The following IQCM variants were observed in gnomAD, a reference collection of about 807,000 sequenced individuals.
The protein encoded by IQCM is IQ motif containing M, also known as IQ domain-containing protein M.
IQCM carries 45 observed loss-of-function variants against 57.6 expected under a neutral mutation model. That is an observed-to-expected ratio of 0.78 (90% CI 0.62 to 1.00). IQCM has a LOEUF of 1.00. Among genes scored for constraint, IQCM ranks in the 50% least tolerant of loss-of-function variants. The pLI is 0.00. For synonymous variants in IQCM, 148 were observed against 158.9 expected (o/e 0.93, Z 0.51); for missense variants, 468 against 511.6 (o/e 0.91, Z 0.82).
In IQCM at chr4:149,587,952, G is replaced by T. The variant is rs1752788596; in HGVS notation, c.727C>A (p.Pro243Thr). 1 of 1,225,100 alleles carries T rather than the reference G, an allele frequency of 8.2e-7. No homozygotes were observed. Among genetic ancestry groups the T allele is most frequent in the Non-Finnish European group, 1.0e-6 (1 of 982,278 alleles). 75.9% of individuals were successfully genotyped at this position (1,225,100 alleles called of 1,614,324 possible). A position where few individuals can be genotyped will look rare whatever the true frequency, so the allele number is the denominator to read the frequency against. Residue 243 changes from proline (P) to threonine (T), a missense_variant, in exon 9 of 14, where the codon CCA becomes ACA. Transcript: ENST00000636793. The part of the protein sequence containing the change: ...LIKKERQPIK[P>T]EPKSQPRIKG... Reference sequence around the variant, plus strand: ...TACCTGGGTTGTGATTTTGGTTCTGGCTTGATAGGTTGTCGCTCCTTTTTA... The same window carrying T: ...TACCTGGGTTGTGATTTTGGTTCTGTCTTGATAGGTTGTCGCTCCTTTTTA...
intron 6 of IQCM, among the ~76,000 whole-genome samples, chr4:149,682,615 TGAG>T (rs1762261605): frequency 9.0e-6 from 1 of 111,214 alleles, no homozygotes; most frequent in Admixed American, 1.2e-4. Context: ...TTGGAAAATG[TGAG>T]TAAGAAAAAA....
intron 12 of IQCM, among the ~76,000 whole-genome samples, chr4:149,482,278 C>T (rs1740988180): frequency 6.6e-6 from 1 of 151,928 alleles, no homozygotes; most frequent in Non-Finnish European, 1.5e-5. Context: ...ATTTCTTCCT[C>T]TTGTCTGATT....
chr4:149,689,632 T>G (rs575629298), intron 5 of IQCM, among the ~76,000 whole-genome samples: 1 of 151,790 alleles, frequency 6.6e-6, no homozygotes, highest in South Asian at 2.1e-4. Context: ...GTCAGCAGAG[T>G]AAACAGACAA....
At chr4:149,571,219 T>C (rs542618007) in intron 9 of IQCM, among the ~76,000 whole-genome samples, 1 of 152,094 alleles carries the variant, frequency 6.6e-6, no homozygotes, top group East Asian at 1.9e-4. Context: ...TTATTCACAA[T>C]AGCCAAGATA....
chr4:149,416,214 C>T (rs1377794269), intron 13 of IQCM, among the ~76,000 whole-genome samples: 1 of 152,068 alleles, frequency 6.6e-6, no homozygotes, highest in Admixed American at 6.6e-5. Flanking sequence ...CTCTTTCTCT[C>T]TCTGTCTGTC....
intron 12 of IQCM, among the ~76,000 whole-genome samples, chr4:149,533,660 G>C (rs945804027): frequency 1.3e-5 from 2 of 152,048 alleles, no homozygotes; most frequent in African/African-American, 4.8e-5. Flanking sequence ...CAGGCAAAGA[G>C]AAGTCCAGAA....
chr4:149,765,447 A>G (rs1387593131), intron 2 of IQCM, among the ~76,000 whole-genome samples: 1 of 152,134 alleles, frequency 6.6e-6, no homozygotes, highest in Non-Finnish European at 1.5e-5. Context: ...AACTGACTCC[A>G]TTTTGCTTCC....
intron 2 of IQCM, among the ~76,000 whole-genome samples, chr4:149,811,177 G>A (rs936659964): frequency 4.6e-5 from 7 of 152,058 alleles, no homozygotes; most frequent in African/African-American, 1.2e-4. Flanking sequence ...GTCTACCAAG[G>A]ACACAACTAC....
intron 8 of IQCM, among the ~76,000 whole-genome samples, chr4:149,618,478 C>T (rs1755994490): frequency 6.6e-6 from 1 of 151,956 alleles, no homozygotes. Context: ...AAAGGAAATG[C>T]AATGAAAACA....
At chr4:149,562,289 A>G (rs1036166846) in intron 10 of IQCM, among the ~76,000 whole-genome samples, 1 of 152,216 alleles carries the variant, frequency 6.6e-6, no homozygotes, top group African/African-American at 2.4e-5. Flanking sequence ...GCAATTCTCC[A>G]TGTAAGGGTA....
chr4:149,652,714 C>T (rs181132000), intron 7 of IQCM, among the ~76,000 whole-genome samples: 2 of 149,552 alleles, frequency 1.3e-5, no homozygotes, highest in South Asian at 4.3e-4. Context: ...CAACATGAAA[C>T]AAAATAAAGG....
chr4:149,562,138 T>C (rs931643562), intron 10 of IQCM, among the ~76,000 whole-genome samples: 1 of 152,182 alleles, frequency 6.6e-6, no homozygotes, highest in African/African-American at 2.4e-5. Context: ...TCCTACTATA[T>C]CCTGTAAGCA....
intron 8 of IQCM, among the ~76,000 whole-genome samples, chr4:149,615,370 T>C (rs1487326239): frequency 1.3e-5 from 2 of 152,192 alleles, no homozygotes; most frequent in African/African-American, 4.8e-5. Context: ...AGGATAATTA[T>C]GGTTAAAAAT....
chr4:149,414,445 T>C (rs1295162887), intron 13 of IQCM, among the ~76,000 whole-genome samples: 1 of 152,130 alleles, frequency 6.6e-6, no homozygotes, highest in African/African-American at 2.4e-5. Context: ...GGTACATTCA[T>C]TTGAGTCCCA....
intron 11 of IQCM, among the ~76,000 whole-genome samples, chr4:149,548,868 T>C (rs1214712544): frequency 6.6e-6 from 1 of 152,200 alleles, no homozygotes; most frequent in Non-Finnish European, 1.5e-5. Flanking sequence ...AACTCAACCA[T>C]GTCATAAGAC....
chr4:149,770,734 C>T (rs532588204), intron 2 of IQCM, among the ~76,000 whole-genome samples: 28 of 152,146 alleles, frequency 1.8e-4, no homozygotes, highest in African/African-American at 5.3e-4. Context: ...ATTCATTCTT[C>T]ATTTTAAAGT....
intron 7 of IQCM, among the ~76,000 whole-genome samples, chr4:149,622,080 C>G (rs1490693595): frequency 1.3e-5 from 2 of 152,146 alleles, no homozygotes; most frequent in Non-Finnish European, 2.9e-5. Flanking sequence ...TAAATTCTCT[C>G]ACTTCATTGC....
chr4:149,738,486 T>C (rs559969873), intron 3 of IQCM, among the ~76,000 whole-genome samples: 3 of 152,254 alleles, frequency 2.0e-5, no homozygotes, highest in South Asian at 2.1e-4. Context: ...TGTCCACAAG[T>C]GCCACCCATC....
intron 7 of IQCM, among the ~76,000 whole-genome samples, chr4:149,651,966 A>G (rs1012262909): frequency 4.6e-5 from 7 of 152,230 alleles, no homozygotes; most frequent in African/African-American, 1.7e-4. Flanking sequence ...TACCCAAAGG[A>G]TGATAAATCA....
Sources: gnomAD v4.1 joint callset for allele counts (sites outside exome capture counted in the v4.1 genomes callset) on GRCh38, gnomAD v4.1.1 for gene constraint, MANE v1.5 for transcripts, NCBI Gene and HGNC (gene_info 2026-07-23, HGNC 2026-07-21) for gene names.